ZCCHC7: variants seen among roughly 807,000 people sequenced by gnomAD.
ZCCHC7 encodes zinc finger CCHC domain-containing protein 7.
A neutral mutation model predicts 52.0 loss-of-function variants in ZCCHC7; 35 were observed. The ratio of observed to expected loss-of-function variants is 0.67; its 90% CI spans 0.51 to 0.89. ZCCHC7 has a LOEUF of 0.89. Ranked by LOEUF, ZCCHC7 falls within the 40% of genes least tolerant of loss-of-function variation. ZCCHC7 has a pLI of 0.00. For synonymous variants in ZCCHC7, 217 were observed against 221.5 expected (o/e 0.98, Z 0.18); for missense variants, 574 against 649.1 (o/e 0.88, Z 1.26).
chr9:37,177,718 G>T (rs1245148629), intron 2 of ZCCHC7, among the ~76,000 whole-genome samples: 1 of 152,174 alleles, frequency 6.6e-6, no homozygotes, highest in African/African-American at 2.4e-5. Context: ...GAGAATGGCA[G>T]TTTACCGCTG....
In ZCCHC7 at chr9:37,231,395, G is replaced by A. The variant is rs139230280; in HGVS notation, c.611-70793G>A. ...CATGGCTTTTTAAATATCAGCTGGC[G>A]TATTACTTATTAAATATATTTCTAG... On this transcript the variant is annotated intron_variant, in intron 2 of 8. Transcript: ENST00000336755. Among the ~76,000 whole-genome samples the A allele has an allele frequency of 1.1e-4, 17 of 152,154 alleles. No homozygotes were observed. The East Asian group carries it at 1.2e-3, about 10-fold the overall frequency.
intron 2 of ZCCHC7, among the ~76,000 whole-genome samples, chr9:37,275,364 G>T: frequency 6.7e-6 from 1 of 148,684 alleles, no homozygotes. Flanking sequence ...ATGCATCCAG[G>T]AGATATAATT....
At chr9:37,317,757 G>T (rs772702686) in intron 5 of ZCCHC7, among the ~76,000 whole-genome samples, 10 of 151,922 alleles carry the variant, frequency 6.6e-5, no homozygotes, top group Non-Finnish European at 1.2e-4. Flanking sequence ...AGAAAAATCA[G>T]ACCAAATACA....
chr9:37,220,668 G>A (rs576659145), intron 2 of ZCCHC7, among the ~76,000 whole-genome samples: 5 of 152,168 alleles, frequency 3.3e-5, no homozygotes, highest in African/African-American at 1.2e-4. Context: ...TTTCTTGTAG[G>A]GCTAGCATTT....
chr9:37,249,455 C>CCTTTTT (rs1212677483), intron 2 of ZCCHC7, among the ~76,000 whole-genome samples: 5 of 84,210 alleles, frequency 5.9e-5, no homozygotes, highest in African/African-American at 2.8e-4. Flanking sequence ...TCTTCTTCTT[C>CCTTTTT]CTTTTTTTTT....
intron 2 of ZCCHC7, among the ~76,000 whole-genome samples, chr9:37,271,002 T>C (rs1827384311): frequency 6.6e-6 from 1 of 152,158 alleles, no homozygotes; most frequent in Non-Finnish European, 1.5e-5. Flanking sequence ...GGGGAGGTTT[T>C]CCTTTAGAGA....
intron 2 of ZCCHC7, among the ~76,000 whole-genome samples, chr9:37,244,782 A>G (rs1826014221): frequency 6.6e-6 from 1 of 151,880 alleles, no homozygotes; most frequent in South Asian, 2.1e-4. Context: ...ATATATATTC[A>G]CTGTGGAATA....
intron 2 of ZCCHC7, among the ~76,000 whole-genome samples, chr9:37,199,642 C>G (rs1391685783): frequency 7.0e-6 from 1 of 142,684 alleles, no homozygotes; most frequent in African/African-American, 2.6e-5. Context: ...CCTACTGTTT[C>G]TTTTTCTGTC....
intron 2 of ZCCHC7, among the ~76,000 whole-genome samples, chr9:37,265,212 C>T (rs1476707890): frequency 6.6e-6 from 1 of 152,176 alleles, no homozygotes; most frequent in Non-Finnish European, 1.5e-5. Flanking sequence ...AATCCTTTTA[C>T]ATTTGCCTTC....
chr9:37,249,455 C>CT (rs1826217045), intron 2 of ZCCHC7, among the ~76,000 whole-genome samples: 1 of 84,210 alleles, frequency 1.2e-5, no homozygotes, highest in African/African-American at 5.6e-5. Flanking sequence ...TCTTCTTCTT[C>CT]CTTTTTTTTT....
In ZCCHC7 at chr9:37,126,832, T is replaced by C. The variant is rs779544599; in HGVS notation, c.500T>C (p.Ile167Thr). ...VSSSEEEEST[I>T]SEGDNVESWM... Reference sequence around the variant, plus strand: ...TCAAGTGAAGAGGAAGAGAGCACCATTTCAGAAGGTGATAATGTGGAAAGC... The same window carrying C: ...TCAAGTGAAGAGGAAGAGAGCACCACTTCAGAAGGTGATAATGTGGAAAGC... Residue 167 changes from isoleucine (I) to threonine (T), a missense_variant, in exon 2 of 9, where the codon ATT becomes ACT. Ile to Thr is a moderately conservative substitution (Grantham distance 89). Around this residue, in one of 3 missense-constraint regions of ZCCHC7, gnomAD observed 403 missense variants for 461.2 expected, o/e 0.87. Coordinates refer to ENST00000336755, the MANE Select transcript of ZCCHC7 (RefSeq NM_032226.3). 4 of 1,614,050 alleles carry C rather than the reference T, an allele frequency of 2.5e-6. No individual in the cohort carries two copies. The African/African-American group carries it at 5.3e-5, about 22-fold the overall frequency.
intron 6 of ZCCHC7, among the ~76,000 whole-genome samples, chr9:37,337,026 T>G (rs1256721791): frequency 1.3e-5 from 2 of 152,062 alleles, no homozygotes; most frequent in East Asian, 3.8e-4. Context: ...GAAATATTCC[T>G]GAGAGGATTA....
intron 2 of ZCCHC7, among the ~76,000 whole-genome samples, chr9:37,265,228 T>C (rs1486993677): frequency 6.6e-6 from 1 of 152,192 alleles, no homozygotes; most frequent in Non-Finnish European, 1.5e-5. Context: ...CCTTCTCCTT[T>C]TTCATGCTTT....
intron 6 of ZCCHC7, among the ~76,000 whole-genome samples, chr9:37,340,731 A>G (rs1003961301): frequency 1.3e-5 from 2 of 152,194 alleles, no homozygotes; most frequent in Admixed American, 1.3e-4. Context: ...CATAGTATGA[A>G]AACTTGTCCA....
chr9:37,247,802 A>C (rs1486313000), intron 2 of ZCCHC7, among the ~76,000 whole-genome samples: 3 of 152,086 alleles, frequency 2.0e-5, no homozygotes, highest in Non-Finnish European at 2.9e-5. Context: ...TATAGTCCCA[A>C]CTAAGTAGTT....
chr9:37,271,256 A>C (rs1481299854), intron 2 of ZCCHC7, among the ~76,000 whole-genome samples: 2 of 152,238 alleles, frequency 1.3e-5, no homozygotes, highest in Non-Finnish European at 2.9e-5. Flanking sequence ...AGGAAATATA[A>C]AGACTATCTC....
At chr9:37,166,416 T>G (rs896513588) in intron 2 of ZCCHC7, among the ~76,000 whole-genome samples, 14 of 152,070 alleles carry the variant, frequency 9.2e-5, no homozygotes, top group Admixed American at 7.9e-4. Flanking sequence ...TAATAATATG[T>G]GTAGAATCTC....
intron 6 of ZCCHC7, among the ~76,000 whole-genome samples, chr9:37,340,418 A>AT (rs955078151): frequency 7.9e-5 from 12 of 152,204 alleles, no homozygotes; most frequent in African/African-American, 2.6e-4. Flanking sequence ...CAAAAAAAAA[A>AT]AAAGAAATAC....
At chr9:37,236,825 T>G (rs572357923) in intron 2 of ZCCHC7, among the ~76,000 whole-genome samples, 1 of 152,332 alleles carries the variant, frequency 6.6e-6, no homozygotes, top group Non-Finnish European at 1.5e-5. Context: ...AAAAATCATT[T>G]TATCAGTTTC....
Sources: gnomAD v4.1 joint callset for allele counts (sites outside exome capture counted in the v4.1 genomes callset) on GRCh38, gnomAD v4.1.1 for gene constraint, gnomAD v4.1.1 regional missense constraint, MANE v1.5 for transcripts, NCBI Gene and HGNC (gene_info 2026-07-23, HGNC 2026-07-21) for gene names.